Variants in CAAP1 observed in about 807,000 individuals in gnomAD.
The protein encoded by CAAP1 is conserved anti-apoptotic protein.
CAAP1 carries 20 observed loss-of-function variants against 34.0 expected under a neutral mutation model. The ratio of observed to expected loss-of-function variants is 0.59; its 90% CI spans 0.41 to 0.86. The LOEUF (loss-of-function observed/expected upper bound fraction) is 0.86. Ranked by LOEUF, CAAP1 falls within the 40% of genes least tolerant of loss-of-function variation. CAAP1 has a pLI of 0.00. For missense variants in CAAP1, 538 were observed against 450.5 expected (o/e 1.19, Z -1.76); for synonymous variants, 213 against 166.7 (o/e 1.28, Z -2.14).
chr9:26,869,257 T>C (rs181741720), intron 4 of CAAP1, among the ~76,000 whole-genome samples: 1 of 152,074 alleles, frequency 6.6e-6, no homozygotes, highest in Admixed American at 6.5e-5. Flanking sequence ...TTAACTCAGA[T>C]AGAAAATGTC....
chr9:26,878,272 C>G (rs1439683884), intron 4 of CAAP1, among the ~76,000 whole-genome samples: 2 of 152,170 alleles, frequency 1.3e-5, no homozygotes, highest in African/African-American at 4.8e-5. Flanking sequence ...TTGTTTCTTT[C>G]AAGTAATCTT....
chr9:26,887,560 A>C, intron 1 of CAAP1, 47 bp from the exon 2 acceptor site: 4 of 1,139,082 alleles, frequency 3.5e-6, no homozygotes, highest in Non-Finnish European at 5.0e-6. Flanking sequence ...TACTTAAAAT[A>C]TAAAGAATAC....
intron 5 of CAAP1, among the ~76,000 whole-genome samples, chr9:26,846,550 C>A (rs925222949): frequency 2.6e-5 from 4 of 151,558 alleles, no homozygotes; most frequent in African/African-American, 9.7e-5. Context: ...TTTGTGAAAA[C>A]CATAAAATTT....
chr9:26,846,033 G>A (rs1349285719), intron 5 of CAAP1, among the ~76,000 whole-genome samples: 1 of 152,150 alleles, frequency 6.6e-6, no homozygotes, highest in Non-Finnish European at 1.5e-5. Context: ...GAGGAGTTCA[G>A]TTGGCTTAAT....
At position 26,841,825 on chromosome 9, in the gene CAAP1, A is replaced by G. The variant is rs1822486479; in HGVS notation, c.*476T>C. The stretch of plus-strand genomic sequence containing the variant: ...TTTTAACTAGGAAATTTGCATTTAC[A>G]TAAGGAATCTTCAAAATAGTATATA... On this transcript the variant is annotated 3_prime_UTR_variant, in exon 6 of 6. Coordinates refer to ENST00000333916, the MANE Select transcript of CAAP1 (RefSeq NM_024828.4). 1 of 152,484 alleles carries G rather than the reference A, an allele frequency of 6.6e-6. No individual in the cohort carries two copies. Among genetic ancestry groups the G allele is most frequent in the African/African-American group, 2.4e-5 (1 of 41,472 alleles). 9.4% of individuals were successfully genotyped at this position (152,484 alleles called of 1,614,324 possible). A position where few individuals can be genotyped will look rare whatever the true frequency, so the allele number is the denominator to read the frequency against.
intron 4 of CAAP1, among the ~76,000 whole-genome samples, chr9:26,867,077 C>T (rs1000138460): frequency 1.3e-5 from 2 of 152,152 alleles, no homozygotes; most frequent in Non-Finnish European, 2.9e-5. Context: ...CAAGGGATCT[C>T]GGTTGCATGC....
chr9:26,858,647 C>T (rs1057460783), intron 5 of CAAP1, among the ~76,000 whole-genome samples: 1 of 151,882 alleles, frequency 6.6e-6, no homozygotes, highest in African/African-American at 2.4e-5. Context: ...ACGGTGAAAC[C>T]CCGTCTCTAC....
chr9:26,885,761 T>TA (rs1239961299), intron 3 of CAAP1, among the ~76,000 whole-genome samples: 1 of 152,120 alleles, frequency 6.6e-6, no homozygotes, highest in Non-Finnish European at 1.5e-5. Context: ...CTAAACACTA[T>TA]AAAAAATCTA....
intron 5 of CAAP1, among the ~76,000 whole-genome samples, chr9:26,848,399 CCA>C (rs1822666444): frequency 6.6e-6 from 1 of 152,128 alleles, no homozygotes; most frequent in South Asian, 2.1e-4. Flanking sequence ...ACCTGTAGTC[CCA>C]GATACTCAGG....
chr9:26,885,397 T>C (rs1014816132), intron 3 of CAAP1, among the ~76,000 whole-genome samples: 2 of 152,102 alleles, frequency 1.3e-5, no homozygotes, highest in Non-Finnish European at 2.9e-5. Context: ...TTTTCTCTAT[T>C]ATATAAATGT....
chr9:26,854,853 C>G (rs1822831106), intron 5 of CAAP1, among the ~76,000 whole-genome samples: 1 of 152,094 alleles, frequency 6.6e-6, no homozygotes, highest in Non-Finnish European at 1.5e-5. Flanking sequence ...TACTTATATG[C>G]CTATTAGAAT....
chr9:26,874,304 A>G (rs2131326831), intron 4 of CAAP1, among the ~76,000 whole-genome samples: 1 of 152,168 alleles, frequency 6.6e-6, no homozygotes, highest in African/African-American at 2.4e-5. Context: ...ACAAGCATAC[A>G]ATGAATAATG....
intron 4 of CAAP1, among the ~76,000 whole-genome samples, chr9:26,869,070 G>T (rs1823209881): frequency 2.0e-5 from 3 of 151,964 alleles, no homozygotes; most frequent in Non-Finnish European, 4.4e-5. Context: ...AATACTATAA[G>T]AAAATAGATG....
At chr9:26,872,553 A>ATATATATATATATATAT (rs560375272) in intron 4 of CAAP1, among the ~76,000 whole-genome samples, 50 of 142,554 alleles carry the variant, frequency 3.5e-4, no homozygotes, top group African/African-American at 1.3e-3. Flanking sequence ...ATATACATAT[A>ATATATATATATATATAT]ATATATATAT....
intron 4 of CAAP1, among the ~76,000 whole-genome samples, chr9:26,870,607 T>TGTGC (rs1563887335): frequency 2.0e-4 from 30 of 148,626 alleles, no homozygotes; most frequent in African/African-American, 6.9e-4. Context: ...TGTGTGTGTG[T>TGTGC]GTGTATACAT....
intron 1 of CAAP1, among the ~76,000 whole-genome samples, chr9:26,889,733 T>A (rs1823852284): frequency 6.6e-6 from 1 of 150,816 alleles, no homozygotes. Flanking sequence ...CTGGGCGTTG[T>A]GGCAGAGGCC....
At chr9:26,851,784 T>G (rs964884115) in intron 5 of CAAP1, among the ~76,000 whole-genome samples, 2 of 151,876 alleles carry the variant, frequency 1.3e-5, no homozygotes, top group African/African-American at 4.8e-5. Context: ...AGCATCGGAG[T>G]TTGGAAGCAA....
chr9:26,842,783 C>T (rs893999748), intron 5 of CAAP1, 136 bp from the exon 6 acceptor site: 107 of 636,288 alleles, frequency 1.7e-4, no homozygotes, highest in Admixed American at 6.3e-4. Context: ...AATCCCCATG[C>T]CACCCTCTTT....
In CAAP1 at chr9:26,842,434, G is replaced by A; in HGVS notation, c.953C>T (p.Ala318Val). Reference sequence around the variant, plus strand: ...TGGTGGAGGAACAGCCAGGGTGGCTGCTTTGGGTTCGTTTGGGCTAGACTC... The same window carrying A: ...TGGTGGAGGAACAGCCAGGGTGGCTACTTTGGGTTCGTTTGGGCTAGACTC... ...LAESSPNEPK[A>V]ATLAVPPPED... The change falls in exon 6 of 6, where the codon GCA (alanine) becomes GTA (valine). Residue 318 changes from alanine (A) to valine (V), a missense_variant. Ala to Val is a moderately conservative substitution (Grantham distance 64). Around this residue, in one of 3 missense-constraint regions of CAAP1, gnomAD observed 514 missense variants for 408.4 expected, o/e 1.26. Coordinates refer to ENST00000333916, the MANE Select transcript of CAAP1 (RefSeq NM_024828.4). 1 of 1,614,166 alleles carries A rather than the reference G, an allele frequency of 6.2e-7. No individual in the cohort carries two copies. The highest frequency in any genetic ancestry group is 8.5e-7 in the Non-Finnish European group (1 of 1,180,034).
Sources: gnomAD v4.1 joint callset for allele counts (sites outside exome capture counted in the v4.1 genomes callset) on GRCh38, gnomAD v4.1.1 for gene constraint, gnomAD v4.1.1 regional missense constraint, MANE v1.5 for transcripts, NCBI Gene and HGNC (gene_info 2026-07-23, HGNC 2026-07-21) for gene names.